Variants in PTPN23 observed in about 807,000 individuals in gnomAD.
The protein encoded by PTPN23 is tyrosine-protein phosphatase non-receptor type 23.
In PTPN23, 72 loss-of-function variants were observed where a neutral mutation model predicts 156.3. The observed-to-expected ratio is 0.46, with a 90% confidence interval of 0.38 to 0.56. The LOEUF (loss-of-function observed/expected upper bound fraction) is 0.56. Among genes scored for constraint, PTPN23 ranks in the 20% least tolerant of loss-of-function variants. The pLI, the probability that PTPN23 is intolerant of heterozygous loss-of-function variation, is 0.00. For synonymous variants in PTPN23, 957 were observed against 899.6 expected (o/e 1.06, Z -1.14); for missense variants, 1,974 against 2,171.5 (o/e 0.91, Z 1.81).
At chr3:47,399,420 T>G (rs1326742850) in intron 2 of PTPN23, among the ~76,000 whole-genome samples, 1 of 152,194 alleles carries the variant, frequency 6.6e-6, no homozygotes, top group Non-Finnish European at 1.5e-5. Flanking sequence ...TTATGCTGTC[T>G]TCTCAGAACC....
At chr3:47,401,678 G>C (rs1359168424) in intron 2 of PTPN23, among the ~76,000 whole-genome samples, 1 of 152,166 alleles carries the variant, frequency 6.6e-6, no homozygotes. Flanking sequence ...TTTGGATATG[G>C]CAGAGGTCAT....
At position 47,407,169 on chromosome 3, in the gene PTPN23, G is replaced by A. The variant is rs1157177955; in HGVS notation, c.847G>A (p.Ala283Thr). Residue 283 changes from alanine to threonine, a missense_variant, in exon 10 of 25, where the codon GCC (alanine) becomes ACC (threonine). Around this residue, in one of 4 missense-constraint regions of PTPN23, gnomAD observed 726 missense variants for 929.5 expected, o/e 0.78. Transcript: ENST00000265562. This position sits in a 1 kb window ranked among gnomAD's most constrained non-coding sequence, Gnocchi z 4.0. The part of the protein sequence containing the change: ...FQSALDKLNE[A>T]IKLAKGQPDT... Reference sequence around the variant, plus strand: ...GAGCGCCCTGGACAAGCTCAATGAAGCCATCAAGTTGGCCAAGGTAAAGCT... The same window carrying A: ...GAGCGCCCTGGACAAGCTCAATGAAACCATCAAGTTGGCCAAGGTAAAGCT... 1.9e-6 allele frequency: 3 copies of A among 1,613,938 alleles called. No individual in the cohort carries two copies. The highest frequency in any genetic ancestry group is 2.2e-5 in the East Asian group (1 of 44,886).
chr3:47,390,844 A>G (rs578028153), intron 1 of PTPN23, among the ~76,000 whole-genome samples: 10 of 152,320 alleles, frequency 6.6e-5, no homozygotes, highest in Non-Finnish European at 1.3e-4. Flanking sequence ...TGTAAGAACC[A>G]TATTTTTAAA....
intron 2 of PTPN23, among the ~76,000 whole-genome samples, chr3:47,396,623 A>T (rs1287622761): frequency 2.6e-5 from 4 of 152,078 alleles, no homozygotes; most frequent in African/African-American, 9.7e-5. Context: ...TTTTGATGTA[A>T]AGTGAAAGAC....
At chr3:47,393,239 C>G (rs1251988842) in intron 1 of PTPN23, among the ~76,000 whole-genome samples, 1 of 151,936 alleles carries the variant, frequency 6.6e-6, no homozygotes. Context: ...TGCAACCTCC[C>G]CCTCCTGAGT....
intron 2 of PTPN23, among the ~76,000 whole-genome samples, chr3:47,397,595 A>G (rs556109311): frequency 6.6e-6 from 1 of 152,344 alleles, no homozygotes; most frequent in African/African-American, 2.4e-5. Flanking sequence ...CAGCAGTACT[A>G]GCAACTATTG....
In PTPN23 at chr3:47,407,643, G is replaced by A; in HGVS notation, c.1004-54G>A. 6.2e-7 allele frequency: 1 copy of A among 1,606,570 alleles called. No individual in the cohort carries two copies. Among genetic ancestry groups the A allele is most frequent in the Non-Finnish European group, 8.5e-7 (1 of 1,173,356 alleles). On this transcript the variant is annotated intron_variant, in intron 12 of 24. Coordinates refer to ENST00000265562, the MANE Select transcript of PTPN23 (RefSeq NM_015466.4). The surrounding 1 kb of genome is among the most constrained non-coding windows in gnomAD (Gnocchi z 4.0). ...GGTGGGGTGGGGACAGGACACAGGAGGCTGCCTCAAGGACTCTGCGTGGGC... is the reference window on the plus strand; with the variant it reads ...GGTGGGGTGGGGACAGGACACAGGAAGCTGCCTCAAGGACTCTGCGTGGGC...
chr3:47,400,967 A>C (rs547716803), intron 2 of PTPN23, among the ~76,000 whole-genome samples: 1 of 151,616 alleles, frequency 6.6e-6, no homozygotes, highest in South Asian at 2.1e-4. Context: ...CAGTGGCGCA[A>C]TCTCGGCTTA....
At chr3:47,400,068 C>T (rs751422217) in intron 2 of PTPN23, among the ~76,000 whole-genome samples, 6 of 152,258 alleles carry the variant, frequency 3.9e-5, no homozygotes, top group Admixed American at 6.5e-5. Context: ...CCTCAGCCTC[C>T]GAAAATGCTG....
In PTPN23 at chr3:47,413,263, C is replaced by T; in HGVS notation, c.*78C>T. ...CCTGCCCACACCCAGCAGAGCTTCT[C>T]AGTGGGCACAGTCTCTTACTCCCAT... is the stretch of plus-strand genomic sequence containing the variant. On this transcript the variant is annotated 3_prime_UTR_variant, in exon 25 of 25. Transcript: ENST00000265562. The T allele has an allele frequency of 6.6e-7, 1 of 1,516,802 alleles. No homozygotes were observed. Among genetic ancestry groups the T allele is most frequent in the Non-Finnish European group, 8.9e-7 (1 of 1,120,386 alleles). The allele number at this position is 1,516,802 out of a possible 1,614,324, so 94.0% of individuals were successfully genotyped here.
intron 2 of PTPN23, among the ~76,000 whole-genome samples, chr3:47,401,974 A>G (rs1705003531): frequency 6.6e-6 from 1 of 152,272 alleles, no homozygotes; most frequent in Non-Finnish European, 1.5e-5. Flanking sequence ...CCGAGCTCCC[A>G]GAGTGGAGTG....
intron 2 of PTPN23, among the ~76,000 whole-genome samples, chr3:47,403,191 T>C (rs1278977294): frequency 2.0e-5 from 3 of 151,990 alleles, no homozygotes; most frequent in Admixed American, 6.6e-5. Context: ...TAGCTGGGTC[T>C]ACAGGTGCCT....
chr3:47,410,022 C>T lies in PTPN23; in HGVS notation c.2224C>T (p.Pro742Ser), dbSNP rs574435224. The change falls in exon 20 of 25, where the codon CCT becomes TCT. Residue 742 changes from proline to serine, a missense_variant. Coordinates refer to ENST00000265562, the MANE Select transcript of PTPN23 (RefSeq NM_015466.4). ...TGAGGCAGTGGAAGCAGGAGACCCC[C>T]CTGAGGAGCTGCGCAGCCTCCCCCC... The part of the protein sequence containing the change: ...ESEAVEAGDP[P>S]EELRSLPPDM... 2 of 1,610,544 alleles carry T rather than the reference C, an allele frequency of 1.2e-6. No homozygotes were observed. Among genetic ancestry groups the T allele is most frequent in the Admixed American group, 1.7e-5 (1 of 59,494 alleles).
intron 1 of PTPN23, among the ~76,000 whole-genome samples, chr3:47,388,790 G>A (rs759739091): frequency 6.7e-6 from 1 of 150,186 alleles, no homozygotes. Flanking sequence ...TCAGCCTCCC[G>A]AGTAGCTGGG....
intron 24 of PTPN23, 30 bp from the exon 25 acceptor site, chr3:47,412,676 T>C: frequency 1.9e-6 from 3 of 1,600,326 alleles, no homozygotes; most frequent in Non-Finnish European, 2.6e-6. Context: ...GCCTTGGGAC[T>C]CCCTCTCCTC....
At chr3:47,395,822 G>A (rs565743049) in intron 1 of PTPN23, among the ~76,000 whole-genome samples, 4 of 152,272 alleles carry the variant, frequency 2.6e-5, no homozygotes, top group Non-Finnish European at 2.9e-5. Context: ...GCTTGAGTTC[G>A]TGACCCTTTC....
intron 1 of PTPN23, among the ~76,000 whole-genome samples, chr3:47,386,366 G>A (rs976514430): frequency 1.3e-5 from 2 of 152,006 alleles, no homozygotes; most frequent in Non-Finnish European, 2.9e-5. Flanking sequence ...GGGTTTCGCC[G>A]TGTTGGCTAG....
chr3:47,404,585 G>A, intron 2 of PTPN23, 67 bp from the exon 3 acceptor site: 2 of 1,588,444 alleles, frequency 1.3e-6, no homozygotes, highest in South Asian at 1.1e-5. Flanking sequence ...GCATTTGTGA[G>A]TTAGCTGGCC....
intron 2 of PTPN23, among the ~76,000 whole-genome samples, chr3:47,398,634 C>T (rs1387994682): frequency 1.3e-5 from 2 of 151,594 alleles, no homozygotes; most frequent in East Asian, 1.9e-4. Flanking sequence ...GGCACAATCA[C>T]GGCTCACTGC....
Sources: allele counts gnomAD v4.1 joint callset (sites outside exome capture counted in the v4.1 genomes callset), GRCh38; gene constraint gnomAD v4.1.1; regional missense constraint gnomAD v4.1.1; non-coding constraint Gnocchi (gnomAD v3.1); transcripts MANE v1.5; gene names NCBI Gene and HGNC (gene_info 2026-07-23, HGNC 2026-07-21).